The following TLN2 variants were observed in gnomAD, a reference collection of about 807,000 sequenced individuals.
TLN2 encodes the protein talin-2.
Under a neutral mutation model 294.7 loss-of-function variants are expected in TLN2, and 118 were observed. The ratio of observed to expected loss-of-function variants is 0.40; its 90% CI spans 0.34 to 0.47. The LOEUF is 0.47. TLN2 is among the 20% of genes least tolerant of loss of function. The pLI is 0.84. For synonymous variants in TLN2, 1,431 were observed against 1,304.5 expected, an observed-to-expected ratio of 1.10 and a Z score of -2.09; for missense variants, 3,083 against 3,282.2, an observed-to-expected ratio of 0.94 and a Z score of 1.48.
intron 46 of TLN2, among the ~76,000 whole-genome samples, chr15:62,793,106 A>G (rs2065194600): frequency 6.6e-6 from 1 of 152,208 alleles, no homozygotes; most frequent in Admixed American, 6.5e-5. Flanking sequence ...GCCCCTGGTC[A>G]GGGGAGGCCT....
intron 12 of TLN2, among the ~76,000 whole-genome samples, chr15:62,687,454 G>A (rs1014417456): frequency 1.1e-4 from 16 of 152,216 alleles, no homozygotes; most frequent in African/African-American, 2.7e-4. Context: ...GTGAGAATAT[G>A]TTTGTTTCAG....
chr15:62,800,176 A>G (rs2065828884), intron 48 of TLN2, among the ~76,000 whole-genome samples, 192 bp from the exon 49 acceptor site: 1 of 152,202 alleles, frequency 6.6e-6, no homozygotes, highest in Non-Finnish European at 1.5e-5. Flanking sequence ...TCCCCTGGGC[A>G]GCTTTTCAAA....
At chr15:62,758,392 C>G (rs778105502) in intron 37 of TLN2, among the ~76,000 whole-genome samples, 1 of 152,252 alleles carries the variant, frequency 6.6e-6, no homozygotes, top group African/African-American at 2.4e-5. Flanking sequence ...TCACCACATA[C>G]GCTGTTGCCT....
At position 62,719,874 on chromosome 15, in the gene TLN2, C is replaced by T; in HGVS notation, c.2985C>T (p.Phe995=). The T allele has an allele frequency of 6.2e-7, 1 of 1,608,452 alleles. No individual in the cohort carries two copies. The highest frequency in any genetic ancestry group is 8.5e-7 in the Non-Finnish European group (1 of 1,177,292). ...QLALIISSQN[F]LQPGSKMVSS... is the part of the protein sequence containing the mutation. ...CTCTCATCATCTCCAGCCAGAACTT[C>T]CTCCAGGTAACAGGGCTGTGGTCAC... is the stretch of plus-strand genomic sequence containing the variant. Residue 995 remains phenylalanine, a synonymous_variant, in exon 25 of 59, where the codon TTC becomes TTT. Transcript: ENST00000636159.
chr15:62,565,934 G>A (rs1019474312), intron 1 of TLN2, among the ~76,000 whole-genome samples: 6 of 149,108 alleles, frequency 4.0e-5, no homozygotes, highest in African/African-American at 1.6e-4. Flanking sequence ...GTGTGTGTGT[G>A]TGTGTGTTTT....
At chr15:62,667,784 T>C (rs532218898) in intron 9 of TLN2, among the ~76,000 whole-genome samples, 16 of 152,332 alleles carry the variant, frequency 1.1e-4, no homozygotes, top group African/African-American at 3.8e-4. Flanking sequence ...AACTTCTCTT[T>C]TGGAATTACT....
intron 26 of TLN2, 72 bp downstream of exon 26, chr15:62,722,559 C>G: frequency 6.9e-7 from 1 of 1,442,606 alleles, no homozygotes; most frequent in Non-Finnish European, 9.2e-7. Flanking sequence ...CACCCAGGGC[C>G]TGAACACTGC....
At chr15:62,547,512 AAATCTCACAG>A (rs2140541282) in intron 1 of TLN2, among the ~76,000 whole-genome samples, 1 of 152,342 alleles carries the variant, frequency 6.6e-6, no homozygotes, top group East Asian at 1.9e-4. Context: ...TTCCTCATTT[AAATCTCACAG>A]ATGTACTCCC....
intron 1 of TLN2, among the ~76,000 whole-genome samples, chr15:62,401,114 ATAAGTG>A (rs934543708): frequency 2.0e-5 from 3 of 152,154 alleles, no homozygotes; most frequent in African/African-American, 7.2e-5. Context: ...TCAGTGACAC[ATAAGTG>A]TTTGGCTGTC....
At chr15:62,459,168 T>C (rs1250000031) in intron 1 of TLN2, among the ~76,000 whole-genome samples, 2 of 151,986 alleles carry the variant, frequency 1.3e-5, no homozygotes, top group Non-Finnish European at 1.5e-5. Flanking sequence ...GCCTGGCTAA[T>C]TTTTTGTATT....
At chr15:62,602,518 T>G (rs556794768) in intron 2 of TLN2, among the ~76,000 whole-genome samples, 37 of 152,368 alleles carry the variant, frequency 2.4e-4, no homozygotes, top group Middle Eastern at 3.4e-3. Context: ...CTGTAGTCTC[T>G]TAGTCCATTT....
At chr15:62,393,915 G>A (rs2459893) in intron 1 of TLN2, among the ~76,000 whole-genome samples, 49,302 of 149,368 alleles carry the variant, frequency 0.33, 8,644 homozygotes, top group East Asian at 0.62. Context: ...AGCTGGGACT[G>A]CAGGCACGCA....
At chr15:62,483,980 A>G (rs2038245077) in intron 1 of TLN2, among the ~76,000 whole-genome samples, 1 of 152,130 alleles carries the variant, frequency 6.6e-6, no homozygotes, top group Non-Finnish European at 1.5e-5. Flanking sequence ...GTGGGGTGGA[A>G]GTAGGGAGGA....
intron 1 of TLN2, among the ~76,000 whole-genome samples, chr15:62,403,190 A>T (rs1269960672): frequency 6.6e-6 from 1 of 151,702 alleles, no homozygotes; most frequent in African/African-American, 2.4e-5. Flanking sequence ...GTGAGCCGAG[A>T]TCGTGTGACA....
At chr15:62,747,189 C>T (rs2061664929) in intron 32 of TLN2, among the ~76,000 whole-genome samples, 1 of 152,160 alleles carries the variant, frequency 6.6e-6, no homozygotes, top group African/African-American at 2.4e-5. Context: ...AATTAAACAG[C>T]GGCTGTCCAG....
chr15:62,757,802 G>T (rs2062395224), intron 37 of TLN2, among the ~76,000 whole-genome samples: 2 of 152,176 alleles, frequency 1.3e-5, no homozygotes, highest in African/African-American at 4.8e-5. Flanking sequence ...GAACAGAAAT[G>T]AACGTGCTGC....
intron 51 of TLN2, among the ~76,000 whole-genome samples, chr15:62,808,550 T>C (rs1266922549): frequency 6.6e-6 from 1 of 152,188 alleles, no homozygotes; most frequent in Non-Finnish European, 1.5e-5. Flanking sequence ...CAAAGGGTTC[T>C]ACCCGGTTAC....
chr15:62,820,908 C>T (rs1424923996), intron 54 of TLN2, among the ~76,000 whole-genome samples: 3 of 152,162 alleles, frequency 2.0e-5, no homozygotes, highest in Non-Finnish European at 2.9e-5. Context: ...TGCTTTCTGT[C>T]AGAAGTTGCT....
chr15:62,750,587 C>T, intron 34 of TLN2, 96 bp downstream of exon 34: 1 of 1,064,854 alleles, frequency 9.4e-7, no homozygotes, highest in Non-Finnish European at 1.5e-6. Context: ...TGTGGCTGGT[C>T]TGCAGGGCTA....
Sources: allele counts gnomAD v4.1 joint callset (sites outside exome capture counted in the v4.1 genomes callset), GRCh38; gene constraint gnomAD v4.1.1; transcripts MANE v1.5; gene names NCBI Gene and HGNC (gene_info 2026-07-23, HGNC 2026-07-21).